The following AMPD3 variants were observed in gnomAD, a reference collection of about 807,000 sequenced individuals.
AMPD3 encodes AMP deaminase 3.
In AMPD3, 57 loss-of-function variants were observed where a neutral mutation model predicts 82.3. The observed-to-expected ratio is 0.69, with a 90% confidence interval of 0.56 to 0.86. The LOEUF is 0.86. Among genes scored for constraint, AMPD3 ranks in the 40% least tolerant of loss-of-function variants. The pLI is 0.00. For missense variants in AMPD3, 870 were observed against 1,003.8 expected, an observed-to-expected ratio of 0.87 and a Z score of 1.80; for synonymous variants, 381 against 394.7, an observed-to-expected ratio of 0.97 and a Z score of 0.41.
intron 2 of AMPD3, among the ~76,000 whole-genome samples, chr11:10,466,348 C>T (rs982647428): frequency 2.6e-5 from 4 of 152,044 alleles, no homozygotes; most frequent in Admixed American, 2.0e-4. Context: ...ACTCAAGCTT[C>T]GTAGGGGGAG....
intron 7 of AMPD3, chr11:10,494,671 G>A (rs1345174503): frequency 1.0e-6 from 1 of 985,290 alleles, no homozygotes; most frequent in Non-Finnish European, 1.2e-6. Context: ...CTTGCAGGTG[G>A]GGCCTCTGCT....
intron 10 of AMPD3, among the ~76,000 whole-genome samples, chr11:10,497,349 C>T (rs10770121): frequency 0.9 from 136,694 of 151,868 alleles, 63,196 homozygotes; most frequent in East Asian, 1. Context: ...GCAACAGAGG[C>T]CCTCACACCA....
At chr11:10,484,079 A>T (rs1004424749) in intron 4 of AMPD3, 1 of 169,870 alleles carries the variant, frequency 5.9e-6, no homozygotes, top group Non-Finnish European at 1.2e-5. Context: ...GAATTTTCCT[A>T]TACACACTAT....
At chr11:10,486,678 C>T in intron 5 of AMPD3, 16 of 985,404 alleles carry the variant, frequency 1.6e-5, no homozygotes, top group Non-Finnish European at 1.9e-5. Context: ...GCCATTAGGT[C>T]AGGGGGCTGG....
intron 1 of AMPD3, chr11:10,460,906 G>A: frequency 2.0e-6 from 2 of 985,440 alleles, no homozygotes; most frequent in Non-Finnish European, 2.4e-6. Context: ...GCTGGGTAAA[G>A]AGTGTTCTAA....
intron 2 of AMPD3, among the ~76,000 whole-genome samples, chr11:10,463,886 G>A (rs61891375): frequency 0.14 from 22,029 of 152,246 alleles, 1,983 homozygotes; most frequent in Non-Finnish European, 0.2. Context: ...GTGGAACTTA[G>A]TTGGTGGGCA....
At chr11:10,463,119 G>T (rs1848319605) in intron 2 of AMPD3, among the ~76,000 whole-genome samples, 1 of 152,140 alleles carries the variant, frequency 6.6e-6, no homozygotes, top group Non-Finnish European at 1.5e-5. Context: ...TAGTTGACAT[G>T]GTAGACCTTT....
chr11:10,492,608 G>A (rs1401096024), intron 6 of AMPD3, among the ~76,000 whole-genome samples: 2 of 152,102 alleles, frequency 1.3e-5, no homozygotes, highest in African/African-American at 2.4e-5. Context: ...CCATTGGTTC[G>A]ACTTTGTACT....
At chr11:10,480,540 TTAG>T (rs1345424753) in intron 3 of AMPD3, among the ~76,000 whole-genome samples, 1 of 152,144 alleles carries the variant, frequency 6.6e-6, no homozygotes, top group Non-Finnish European at 1.5e-5. Flanking sequence ...ATACTACTTC[TTAG>T]TAGTATTTAG....
intron 14 of AMPD3, chr11:10,505,185 G>A: frequency 1.0e-6 from 1 of 985,396 alleles, no homozygotes; most frequent in Non-Finnish European, 1.2e-6. Context: ...CTGGCACTGA[G>A]ACCCATGTTC....
chr11:10,494,748 CT>C, intron 7 of AMPD3, 150 bp from the exon 8 acceptor site: 1 of 1,531,980 alleles, frequency 6.5e-7, no homozygotes, highest in Non-Finnish European at 8.8e-7. Flanking sequence ...GGTCCTGGTG[CT>C]CAGGAGTTTC....
At chr11:10,482,296 G>T in intron 4 of AMPD3, 71 bp downstream of exon 4, 2 of 1,552,296 alleles carry the variant, frequency 1.3e-6, no homozygotes, top group Non-Finnish European at 1.8e-6. Flanking sequence ...CTTTTTTCTG[G>T]CTCGGTCTAT....
rs1849347130 is a variant in AMPD3, at chr11:10,494,900, G to A, written c.1136G>A (p.Gly379Asp). 6.2e-7 allele frequency: 1 copy of A among 1,613,808 alleles called. No individual in the cohort carries two copies. The change falls in exon 8 of 15, where the codon GGC becomes GAC. Residue 379 changes from glycine (G) to aspartate (D), a missense_variant and splice_region_variant. Gly to Asp is a moderately conservative substitution (Grantham distance 94). Transcript: ENST00000396553. ...GATTGGTGTGGTCTCCCCCCTCAGGGCCGGCAGACATTCCACCGCTTTGAC... is the reference window on the plus strand; with the variant it reads ...GATTGGTGTGGTCTCCCCCCTCAGGACCGGCAGACATTCCACCGCTTTGAC... Reference protein sequence around the residue: ...LTVDSLDVHAGRQTFHRFDKF... With the variant: ...LTVDSLDVHADRQTFHRFDKF...
At chr11:10,451,331 G>A (rs1012852540), upstream of AMPD3, among the ~76,000 whole-genome samples, 3 of 152,244 alleles carry the variant, frequency 2.0e-5, no homozygotes, top group South Asian at 6.2e-4. Flanking sequence ...AGAAATTAAG[G>A]GACCTGGGAC....
At chr11:10,475,673 A>G (rs1037480642) in intron 2 of AMPD3, among the ~76,000 whole-genome samples, 1 of 152,172 alleles carries the variant, frequency 6.6e-6, no homozygotes, top group Admixed American at 6.5e-5. Flanking sequence ...GCCTGATTTA[A>G]TCCCATGAGC....
chr11:10,474,950 G>C (rs563842482), intron 2 of AMPD3, among the ~76,000 whole-genome samples: 11 of 152,320 alleles, frequency 7.2e-5, no homozygotes, highest in African/African-American at 2.4e-4. Context: ...CTTTCTAACA[G>C]GGGCACCAGA....
upstream of AMPD3, chr11:10,450,840 G>T: frequency 4.2e-6 from 5 of 1,196,846 alleles, no homozygotes; most frequent in Non-Finnish European, 5.2e-6. Context: ...CTCCCGCGGG[G>T]CCCTCCTGGC....
chr11:10,477,782 C>A, intron 2 of AMPD3: 1 of 713,454 alleles, frequency 1.4e-6, no homozygotes, highest in Non-Finnish European at 1.7e-6. Flanking sequence ...AGCCACTGTG[C>A]CATGGGCCGT....
intron 11 of AMPD3, 193 bp from the exon 12 acceptor site, chr11:10,501,277 C>T (rs1849572223): frequency 1.0e-5 from 10 of 985,168 alleles, no homozygotes; most frequent in African/African-American, 3.5e-5. Context: ...AGAGGTGATG[C>T]TTCTTGGTTC....
Sources: gnomAD v4.1 joint callset for allele counts (sites outside exome capture counted in the v4.1 genomes callset) on GRCh38, gnomAD v4.1.1 for gene constraint, MANE v1.5 for transcripts, NCBI Gene and HGNC (gene_info 2026-07-23, HGNC 2026-07-21) for gene names.